FOXP2: variants seen among roughly 807,000 people sequenced by gnomAD.
FOXP2 encodes the protein forkhead box protein P2.
FOXP2 carries 12 observed loss-of-function variants against 115.8 expected under a neutral mutation model. That is an observed-to-expected ratio of 0.10 (90% CI 0.07 to 0.17). FOXP2 has a LOEUF of 0.17. FOXP2 is among the 10% of genes least tolerant of loss of function. The pLI is 1.00. For missense variants in FOXP2, 629 were observed against 843.5 expected, an observed-to-expected ratio of 0.75 and a Z score of 3.15; for synonymous variants, 328 against 297.7, an observed-to-expected ratio of 1.10 and a Z score of -1.05.
intron 2 of FOXP2, among the ~76,000 whole-genome samples, chr7:114,409,140 A>G (rs567301097): frequency 3.3e-5 from 5 of 152,150 alleles, no homozygotes; most frequent in Non-Finnish European, 7.4e-5. Context: ...TTAGATCAAC[A>G]CTTTTTAGTC....
chr7:114,556,633 A>G (rs1476082352), intron 3 of FOXP2, among the ~76,000 whole-genome samples: 1 of 152,218 alleles, frequency 6.6e-6, no homozygotes, highest in East Asian at 1.9e-4. Context: ...ATACATTCCA[A>G]TGGAAAAGAC....
chr7:114,565,271 G>A (rs1800955909), intron 3 of FOXP2, among the ~76,000 whole-genome samples: 1 of 152,002 alleles, frequency 6.6e-6, no homozygotes, highest in Non-Finnish European at 1.5e-5. Flanking sequence ...TGGATGGAGG[G>A]ACCATTTTCA....
chr7:114,530,910 A>G (rs1037293652), intron 2 of FOXP2, among the ~76,000 whole-genome samples: 1 of 151,892 alleles, frequency 6.6e-6, no homozygotes, highest in Non-Finnish European at 1.5e-5. Flanking sequence ...TCTGCAGCCT[A>G]ACAAAATGTT....
chr7:114,637,733 C>T (rs1805302287), intron 6 of FOXP2, among the ~76,000 whole-genome samples: 1 of 151,976 alleles, frequency 6.6e-6, no homozygotes, highest in Non-Finnish European at 1.5e-5. Flanking sequence ...TAGGAAAAGC[C>T]TAAGTAACAA....
At chr7:114,130,260 T>C (rs1320137801) in intron 1 of FOXP2, among the ~76,000 whole-genome samples, 1 of 151,940 alleles carries the variant, frequency 6.6e-6, no homozygotes, top group Non-Finnish European at 1.5e-5. Context: ...GAGGCAGAGG[T>C]TGTAGCAAGC....
intron 2 of FOXP2, among the ~76,000 whole-genome samples, chr7:114,391,708 G>C (rs1031878419): frequency 1.3e-5 from 2 of 152,140 alleles, no homozygotes; most frequent in Non-Finnish European, 2.9e-5. Context: ...ACCATAAAAC[G>C]TAAGCCTTTC....
intron 3 of FOXP2, among the ~76,000 whole-genome samples, chr7:114,536,511 T>C (rs1584866459): frequency 6.6e-6 from 1 of 150,442 alleles, no homozygotes; most frequent in South Asian, 2.1e-4. Context: ...AATGTGGGAA[T>C]ATTAATGGCT....
chr7:114,454,311 A>C (rs1055414370), intron 2 of FOXP2, among the ~76,000 whole-genome samples: 1 of 152,092 alleles, frequency 6.6e-6, no homozygotes, highest in East Asian at 1.9e-4. Context: ...AATCAAAACC[A>C]CTGTGAGATA....
chr7:114,599,658 C>T (rs1802916828), intron 3 of FOXP2, among the ~76,000 whole-genome samples: 1 of 151,878 alleles, frequency 6.6e-6, no homozygotes, highest in Non-Finnish European at 1.5e-5. Flanking sequence ...TTTTACAGTC[C>T]AAGAACAGGC....
chr7:114,131,110 A>G (rs1026665719), intron 1 of FOXP2, among the ~76,000 whole-genome samples: 5 of 152,146 alleles, frequency 3.3e-5, no homozygotes, highest in Admixed American at 6.5e-5. Context: ...TTTGGCCTTT[A>G]ATGGCACTTT....
intron 1 of FOXP2, among the ~76,000 whole-genome samples, chr7:114,107,838 G>A (rs1282492714): frequency 1.3e-5 from 2 of 151,788 alleles, no homozygotes; most frequent in African/African-American, 4.8e-5. Flanking sequence ...TTTTTTCACG[G>A]TCTGGTCCTG....
chr7:114,134,427 C>T (rs1237419531), intron 1 of FOXP2, among the ~76,000 whole-genome samples: 3 of 152,138 alleles, frequency 2.0e-5, no homozygotes, highest in African/African-American at 7.2e-5. Flanking sequence ...TTTTTAATAA[C>T]TATCTTAAGA....
chr7:114,502,680 CAAA>C (rs558803355), intron 2 of FOXP2, among the ~76,000 whole-genome samples: 1 of 151,914 alleles, frequency 6.6e-6, no homozygotes, highest in Non-Finnish European at 1.5e-5. Context: ...TTTTCTTACT[CAAA>C]AAGTGCAAGG....
At chr7:114,364,186 G>T (rs936205523) in intron 2 of FOXP2, among the ~76,000 whole-genome samples, 2 of 152,122 alleles carry the variant, frequency 1.3e-5, no homozygotes, top group Admixed American at 6.6e-5. Flanking sequence ...TTGAAGGTTG[G>T]TGACAGTGTT....
chr7:114,121,337 A>G (rs1392328201), intron 1 of FOXP2, among the ~76,000 whole-genome samples: 1 of 152,122 alleles, frequency 6.6e-6, no homozygotes, highest in African/African-American at 2.4e-5. Flanking sequence ...TCAGACTTCC[A>G]GCCCCAGAAC....
chr7:114,670,159 C>T (rs1284829181), intron 16 of FOXP2, among the ~76,000 whole-genome samples: 2 of 151,810 alleles, frequency 1.3e-5, no homozygotes, highest in African/African-American at 4.8e-5. Flanking sequence ...ATTCTATATT[C>T]GTTGTAGGTG....
chr7:114,580,673 A>G (rs1359700154), intron 3 of FOXP2, among the ~76,000 whole-genome samples: 1 of 152,196 alleles, frequency 6.6e-6, no homozygotes, highest in African/African-American at 2.4e-5. Flanking sequence ...ACAATTAGAA[A>G]AACAAGAAAT....
intron 2 of FOXP2, among the ~76,000 whole-genome samples, chr7:114,509,053 A>G (rs958280645): frequency 6.6e-6 from 1 of 152,116 alleles, no homozygotes; most frequent in Non-Finnish European, 1.5e-5. Context: ...AGTATGTGCA[A>G]TGGTGTTAAG....
chr7:114,335,405 A>T (rs1363116688), intron 2 of FOXP2, among the ~76,000 whole-genome samples: 2 of 151,922 alleles, frequency 1.3e-5, no homozygotes, highest in African/African-American at 4.8e-5. Context: ...TCACAAAGAA[A>T]CAATTTATCT....
Sources: gnomAD v4.1 joint callset for allele counts (sites outside exome capture counted in the v4.1 genomes callset) on GRCh38, gnomAD v4.1.1 for gene constraint, MANE v1.5 for transcripts, NCBI Gene and HGNC (gene_info 2026-07-23, HGNC 2026-07-21) for gene names.